ANKS1B: variants seen among roughly 807,000 people sequenced by gnomAD.
ANKS1B encodes ankyrin repeat and sterile alpha motif domain containing 1B, also known as ankyrin repeat and sterile alpha motif domain-containing protein 1B.
A neutral mutation model predicts 148.3 loss-of-function variants in ANKS1B; 36 were observed. The observed-to-expected ratio is 0.24, with a 90% confidence interval of 0.19 to 0.32. The LOEUF is 0.32. ANKS1B is among the 10% of genes least tolerant of loss of function. The pLI, the probability that ANKS1B is intolerant of heterozygous loss-of-function variation, is 1.00. For synonymous variants in ANKS1B, 542 were observed against 560.8 expected, an observed-to-expected ratio of 0.97 and a Z score of 0.47; for missense variants, 1,157 against 1,542.6, an observed-to-expected ratio of 0.75 and a Z score of 4.19.
intron 9 of ANKS1B, among the ~76,000 whole-genome samples, chr12:99,581,927 A>G (rs1469383319): frequency 6.6e-6 from 1 of 151,464 alleles, no homozygotes; most frequent in Non-Finnish European, 1.5e-5. Context: ...AAAAAAGAAA[A>G]TGAAAAGTCA....
chr12:99,155,163 C>T (rs2075868263), intron 14 of ANKS1B: 6 of 1,432,284 alleles, frequency 4.2e-6, no homozygotes, highest in Middle Eastern at 2.5e-4. Flanking sequence ...TAGCTTATAA[C>T]AGAGCTCACG....
intron 1 of ANKS1B, among the ~76,000 whole-genome samples, chr12:99,859,832 G>C (rs1377893933): frequency 6.6e-6 from 1 of 152,050 alleles, no homozygotes; most frequent in Non-Finnish European, 1.5e-5. Flanking sequence ...TGTTTTAGTA[G>C]ATACAGGGTT....
Position 99,067,868 on chromosome 12 carries a change from G to A in ANKS1B, c.2626-14559C>T, listed in dbSNP as rs1400414216. Among the ~76,000 whole-genome samples the A allele has an allele frequency of 4.5e-5, 6 of 134,446 alleles. No homozygotes were observed. The East Asian group carries it at 7.5e-4, about 17-fold the overall frequency. 88.2% of individuals were successfully genotyped at this position (134,446 alleles called of 152,430 possible). A position where few individuals can be genotyped will look rare whatever the true frequency, so the allele number is the denominator to read the frequency against. Reference sequence around the variant, plus strand: ...CAGCCTCATAGTCTGTTGTATGTGCGTGTGTGTGCATGTGTGTGTGTGTGT... The same window carrying A: ...CAGCCTCATAGTCTGTTGTATGTGCATGTGTGTGCATGTGTGTGTGTGTGT... On this transcript the variant is annotated intron_variant, in intron 16 of 26. Coordinates refer to ENST00000683438, the MANE Select transcript of ANKS1B (RefSeq NM_001352186.2).
At chr12:98,900,140 C>T (rs753842128) in intron 17 of ANKS1B, among the ~76,000 whole-genome samples, 1 of 152,180 alleles carries the variant, frequency 6.6e-6, no homozygotes, top group East Asian at 1.9e-4. Flanking sequence ...AGATGTAGCA[C>T]CTGAAACTAG....
At chr12:99,638,088 GAAGAAGA>G (rs2098260126) in intron 9 of ANKS1B, among the ~76,000 whole-genome samples, 1 of 152,038 alleles carries the variant, frequency 6.6e-6, no homozygotes, top group Non-Finnish European at 1.5e-5. Flanking sequence ...GCTGCCATGT[GAAGAAGA>G]ACATATTTGT....
intron 24 of ANKS1B, among the ~76,000 whole-genome samples, chr12:98,775,888 T>C (rs1432698829): frequency 1.3e-5 from 2 of 152,222 alleles, no homozygotes; most frequent in Non-Finnish European, 2.9e-5. Flanking sequence ...TCTGTTCCCA[T>C]TGTCTAAGCT....
intron 8 of ANKS1B, among the ~76,000 whole-genome samples, chr12:99,665,599 G>A (rs946305572): frequency 6.6e-6 from 1 of 151,856 alleles, no homozygotes; most frequent in Non-Finnish European, 1.5e-5. Flanking sequence ...CCATTCTCCT[G>A]CCTCAGCCTC....
At chr12:99,870,773 GT>G (rs1444425521) in intron 1 of ANKS1B, among the ~76,000 whole-genome samples, 1 of 152,004 alleles carries the variant, frequency 6.6e-6, no homozygotes, top group African/African-American at 2.4e-5. Flanking sequence ...GGGATATTTG[GT>G]TTTTGCTTTT....
chr12:99,142,426 T>G (rs1424332726), intron 15 of ANKS1B, among the ~76,000 whole-genome samples: 1 of 151,970 alleles, frequency 6.6e-6, no homozygotes, highest in Non-Finnish European at 1.5e-5. Flanking sequence ...TTTGGGAGGC[T>G]TGGTTATGAA....
Position 99,775,680 on chromosome 12 carries a change from G to A in ANKS1B, c.848-19C>T. ...AAATACTCTGTGTGTATACATTTTT[G>A]AGATTACATACTTGAATTCATTTAT... On this transcript the variant is annotated intron_variant, in intron 6 of 26. Coordinates refer to ENST00000683438, the MANE Select transcript of ANKS1B (RefSeq NM_001352186.2). 7.5e-7 allele frequency: 1 copy of A among 1,341,892 alleles called. No individual in the cohort carries two copies. Among genetic ancestry groups the A allele is most frequent in the Non-Finnish European group, 1.0e-6 (1 of 961,744 alleles). The allele number at this position is 1,341,892 out of a possible 1,614,324, so 83.1% of individuals were successfully genotyped here.
intron 11 of ANKS1B, among the ~76,000 whole-genome samples, chr12:99,403,152 C>CTTTT (rs143800860): frequency 2.9e-4 from 21 of 73,158 alleles, no homozygotes; most frequent in Admixed American, 4.1e-4. Flanking sequence ...ACTTTTCTTT[C>CTTTT]TTTTTTTTTT....
chr12:99,053,399 A>G (rs2099967506), intron 16 of ANKS1B, 90 bp from the exon 17 acceptor site: 3 of 1,026,862 alleles, frequency 2.9e-6, no homozygotes, highest in Non-Finnish European at 3.9e-6. Flanking sequence ...TTTATTTGAC[A>G]TGAAGAACAG....
chr12:99,311,270 A>G (rs2083128701), intron 12 of ANKS1B, among the ~76,000 whole-genome samples: 1 of 152,180 alleles, frequency 6.6e-6, no homozygotes, highest in East Asian at 1.9e-4. Context: ...TAACATTGCC[A>G]GAAACCCAGC....
chr12:99,564,968 T>C (rs923223860), intron 9 of ANKS1B, among the ~76,000 whole-genome samples: 43 of 152,304 alleles, frequency 2.8e-4, no homozygotes, highest in African/African-American at 1.0e-3. Flanking sequence ...AGGTGTGCAG[T>C]GAGAAGGAAG....
At chr12:99,534,115 C>G (rs10777993) in intron 9 of ANKS1B, among the ~76,000 whole-genome samples, 68,336 of 151,884 alleles carry the variant, frequency 0.45, 15,507 homozygotes, top group East Asian at 0.55. Flanking sequence ...AAATCTGGAA[C>G]AACAAAAATA....
rs904683207 is a variant in ANKS1B at position 99,056,708 on chromosome 12, C to T, written c.2626-3399G>A. On this transcript the variant is annotated intron_variant, in intron 16 of 26. Transcript: ENST00000683438. ...TGTATGTCTAAACAGTACATTAAAT[C>T]GCTAGGCATTCCCTGAAAATGACCT... is the stretch of plus-strand genomic sequence containing the variant. 2.0e-5 allele frequency among the ~76,000 whole-genome samples: 3 copies of T among 152,160 alleles called. No homozygotes were observed. In the East Asian group the frequency reaches 5.8e-4, roughly 29 times the overall value.
At chr12:99,825,632 A>G (rs993096074) in intron 1 of ANKS1B, among the ~76,000 whole-genome samples, 3 of 152,220 alleles carry the variant, frequency 2.0e-5, no homozygotes, top group Non-Finnish European at 4.4e-5. Flanking sequence ...ATGTGTGTCC[A>G]TGGTCGTGCA....
rs1434080904 is a variant in ANKS1B, at chr12:99,810,405, A to T, written c.372+1750T>A. 2.6e-5 allele frequency among the ~76,000 whole-genome samples: 4 copies of T among 152,126 alleles called. No individual in the cohort carries two copies. In the South Asian group the frequency reaches 8.3e-4, roughly 32 times the overall value. ...GATTCTGTCCTATTCAGAAGGAAAAAAGAAAGCTAAAATTAAAAGTTATCT... is the reference window on the plus strand; with the variant it reads ...GATTCTGTCCTATTCAGAAGGAAAATAGAAAGCTAAAATTAAAAGTTATCT... On this transcript the variant is annotated intron_variant, in intron 3 of 26. Transcript: ENST00000683438.
chr12:99,591,526 T>A (rs181691437), intron 9 of ANKS1B, among the ~76,000 whole-genome samples: 2 of 144,924 alleles, frequency 1.4e-5, no homozygotes, highest in Non-Finnish European at 3.0e-5. Context: ...TATTCATTAA[T>A]TCTACCATCA....
Sources: allele counts gnomAD v4.1 joint callset (sites outside exome capture counted in the v4.1 genomes callset), GRCh38; gene constraint gnomAD v4.1.1; transcripts MANE v1.5; gene names NCBI Gene and HGNC (gene_info 2026-07-23, HGNC 2026-07-21).